KMT5B: variants seen among roughly 807,000 people sequenced by gnomAD.
KMT5B encodes histone-lysine N-methyltransferase KMT5B.
KMT5B carries 10 observed loss-of-function variants against 83.2 expected under a neutral mutation model. That is an observed-to-expected ratio of 0.12 (90% CI 0.07 to 0.20). The LOEUF is 0.20. Among genes scored for constraint, KMT5B ranks in the 10% least tolerant of loss-of-function variants. The pLI is 1.00. For synonymous variants in KMT5B, 349 were observed against 388.8 expected, an observed-to-expected ratio of 0.90 and a Z score of 1.20; for missense variants, 753 against 1,067.2, an observed-to-expected ratio of 0.71 and a Z score of 4.10.
rs546049063 is a variant in KMT5B, at chr11:68,180,283, A to G, written c.309-83T>C. On this transcript the variant is annotated intron_variant, in intron 3 of 10. Transcript: ENST00000304363. ...TGTAATTTCTAAACAGACTTACAAT[A>G]TTCGTTGTTGCAAAAATCTTTAAAA... The G allele has an allele frequency of 1.2e-4, 184 of 1,495,102 alleles. 2 individuals are homozygous for G. In the South Asian group the frequency reaches 2.1e-3, roughly 17 times the overall value. 92.6% of individuals were successfully genotyped at this position (1,495,102 alleles called of 1,614,324 possible). A position where few individuals can be genotyped will look rare whatever the true frequency, so the allele number is the denominator to read the frequency against.
At chr11:68,180,624 AAG>A in intron 3 of KMT5B, among the ~76,000 whole-genome samples, 1 of 152,300 alleles carries the variant, frequency 6.6e-6, no homozygotes, top group South Asian at 2.1e-4. Flanking sequence ...AAAAGTTGAA[AAG>A]AGAAACTCAG....
intron 2 of KMT5B, among the ~76,000 whole-genome samples, chr11:68,188,959 G>T (rs1441975775): frequency 7.2e-5 from 11 of 152,156 alleles, no homozygotes; most frequent in Admixed American, 7.2e-4. Context: ...TCCCAAGCAG[G>T]AATTCTGTCT....
intron 1 of KMT5B, among the ~76,000 whole-genome samples, chr11:68,206,940 T>A (rs1272839652): frequency 6.6e-6 from 1 of 152,190 alleles, no homozygotes; most frequent in African/African-American, 2.4e-5. Context: ...GCAACACGCA[T>A]GATTAAAAAT....
intron 1 of KMT5B, among the ~76,000 whole-genome samples, chr11:68,199,303 G>A (rs1217833233): frequency 2.6e-5 from 4 of 152,182 alleles, no homozygotes; most frequent in Non-Finnish European, 5.9e-5. Flanking sequence ...CTTTTGGGGG[G>A]AATAAGCCAT....
intron 1 of KMT5B, among the ~76,000 whole-genome samples, chr11:68,193,389 C>T (rs1443034823): frequency 1.3e-5 from 2 of 152,120 alleles, no homozygotes; most frequent in African/African-American, 4.8e-5. Context: ...TAATGATACT[C>T]AACACAAACA....
chr11:68,167,770 T>C (rs537433805), intron 9 of KMT5B, among the ~76,000 whole-genome samples: 3 of 152,284 alleles, frequency 2.0e-5, no homozygotes, highest in Admixed American at 1.3e-4. Context: ...TTAATAAACA[T>C]TGCCAGATTA....
At chr11:68,177,723 G>C (rs73509354) in intron 4 of KMT5B, among the ~76,000 whole-genome samples, 3,266 of 152,124 alleles carry the variant, frequency 0.021, 121 homozygotes, top group African/African-American at 0.074. Context: ...TGGTATACAA[G>C]CCTTTACAGA....
At position 68,157,037 on chromosome 11, in the gene KMT5B, C is replaced by T. The variant is rs1859344403; in HGVS notation, c.*651G>A. ...ATACGCTGTATCGAACCTCATCCCA[C>T]ACACTGCTACCCTCGTACATATAAT... On this transcript the variant is annotated 3_prime_UTR_variant, in exon 11 of 11. Coordinates refer to ENST00000304363, the MANE Select transcript of KMT5B (RefSeq NM_017635.5). The T allele has an allele frequency of 6.6e-6, 1 of 151,660 alleles. No homozygotes were observed. Among genetic ancestry groups the T allele is most frequent in the South Asian group, 2.1e-4 (1 of 4,816 alleles). 9.4% of individuals were successfully genotyped at this position (151,660 alleles called of 1,614,324 possible). A position where few individuals can be genotyped will look rare whatever the true frequency, so the allele number is the denominator to read the frequency against.
At position 68,157,480 on chromosome 11, in the gene KMT5B, G is replaced by C. The variant is rs575265059; in HGVS notation, c.*208C>G. 2 of 654,352 alleles carry C rather than the reference G, an allele frequency of 3.1e-6. No individual in the cohort carries two copies. Among genetic ancestry groups the C allele is most frequent in the East Asian group, 3.6e-5 (1 of 27,880 alleles). The allele number at this position is 654,352 out of a possible 1,614,324, so 40.5% of individuals were successfully genotyped here. ...CTTTACCTCTAACTCAGAATTGCAC[G>C]TAAGAAGGCTATTTAAAAAGTACGA... On this transcript the variant is annotated 3_prime_UTR_variant, in exon 11 of 11. Coordinates refer to ENST00000304363, the MANE Select transcript of KMT5B (RefSeq NM_017635.5).
Position 68,166,884 on chromosome 11 carries a change from G to C in KMT5B, c.1174+98C>G, listed in dbSNP as rs1855366378. On this transcript the variant is annotated intron_variant, in intron 10 of 10. Transcript: ENST00000304363. ...AAAGCTCACAAGTCCCAGTCTCTCT[G>C]AGTATTTAAAAGTTTAAAACTACTG... 2.0e-5 allele frequency: 31 copies of C among 1,519,524 alleles called. 1 individual carries two copies. The South Asian group carries it at 3.9e-4, about 19-fold the overall frequency. The allele number at this position is 1,519,524 out of a possible 1,614,324, so 94.1% of individuals were successfully genotyped here.
intron 3 of KMT5B, 107 bp downstream of exon 3, chr11:68,185,674 T>C: frequency 4.2e-6 from 5 of 1,187,206 alleles, no homozygotes; most frequent in Non-Finnish European, 5.8e-6. Context: ...TGCAAAGAAC[T>C]TTCCTTTAAT....
intron 10 of KMT5B, among the ~76,000 whole-genome samples, chr11:68,164,879 G>A (rs538773068): frequency 1.3e-5 from 2 of 152,348 alleles, no homozygotes; most frequent in South Asian, 2.1e-4. Context: ...TAAGCTCCCT[G>A]AGGAAAGGGC....
chr11:68,169,567 GA>G (rs1317328160), intron 9 of KMT5B, among the ~76,000 whole-genome samples: 1 of 152,180 alleles, frequency 6.6e-6, no homozygotes, highest in African/African-American at 2.4e-5. Flanking sequence ...TGCTTTACAG[GA>G]AATAACAAAT....
intron 9 of KMT5B, 125 bp from the exon 10 acceptor site, chr11:68,167,303 G>C: frequency 8.9e-7 from 1 of 1,122,182 alleles, no homozygotes; most frequent in East Asian, 2.6e-5. Context: ...AATCACCACT[G>C]GAAACCGAAG....
Position 68,171,820 on chromosome 11 carries a change from TCTATAC to T in KMT5B, c.654-117_654-112del. 1.1e-6 allele frequency: 1 copy of T among 904,688 alleles called. No homozygotes were observed. The highest frequency in any genetic ancestry group is 1.7e-6 in the Non-Finnish European group (1 of 604,140). 56.0% of individuals were successfully genotyped at this position (904,688 alleles called of 1,614,324 possible). A position where few individuals can be genotyped will look rare whatever the true frequency, so the allele number is the denominator to read the frequency against. On this transcript the variant is annotated intron_variant, in intron 6 of 10. Transcript: ENST00000304363. The surrounding 1 kb of genome is among the most constrained non-coding windows in gnomAD (Gnocchi z 5.1). ...ATCAGAAACTGAAAAGGCCTAGCTGTCTATACTTTAGTTAGCTCACTGGGATCCCCA... is the reference window on the plus strand; with the variant it reads ...ATCAGAAACTGAAAAGGCCTAGCTGTTTTAGTTAGCTCACTGGGATCCCCA...
chr11:68,166,540 G>A, intron 10 of KMT5B: 2 of 1,006,154 alleles, frequency 2.0e-6, no homozygotes, highest in Non-Finnish European at 1.2e-6. Flanking sequence ...TGAAAAGGTG[G>A]AAGCCTTAAG....
At position 68,158,523 on chromosome 11, in the gene KMT5B, C is replaced by G. The variant is rs771292792; in HGVS notation, c.1823G>C (p.Gly608Ala). The change falls in exon 11 of 11, where the codon GGC (glycine) becomes GCC (alanine). Residue 608 changes from glycine to alanine, a missense_variant. Coordinates refer to ENST00000304363, the MANE Select transcript of KMT5B (RefSeq NM_017635.5). ...TTGTCGTGACTTCTTTTTGGACATG[C>G]CTGTGTCACTCTTATGACACTTTGC... ...GEAKCHKSDT[G>A]MSKKKSRQGK... 6 of 1,614,046 alleles carry G rather than the reference C, an allele frequency of 3.7e-6. No individual in the cohort carries two copies. The highest frequency in any genetic ancestry group is 5.1e-6 in the Non-Finnish European group (6 of 1,180,036).
chr11:68,200,494 A>T (rs1859297501), intron 1 of KMT5B, among the ~76,000 whole-genome samples: 1 of 152,216 alleles, frequency 6.6e-6, no homozygotes, highest in Non-Finnish European at 1.5e-5. Context: ...TAAAACACGC[A>T]CTTGTGAGGA....
rs71040600 is a variant in KMT5B, at chr11:68,191,173, T to TTGTGTGTGTGTGTGTGTGTGTGTG, written c.-76-1045_-76-1022dup. Among the ~76,000 whole-genome samples the TTGTGTGTGTGTGTGTGTGTGTGTG allele has an allele frequency of 3.3e-3, 465 of 139,244 alleles. 5 individuals carry two copies. The highest frequency in any genetic ancestry group is 5.5e-3 in the African/African-American group (203 of 37,116). 91.3% of individuals were successfully genotyped at this position (139,244 alleles called of 152,430 possible). On this transcript the variant is annotated intron_variant, in intron 1 of 10. Coordinates refer to ENST00000304363, the MANE Select transcript of KMT5B (RefSeq NM_017635.5). Reference sequence around the variant, plus strand: ...ACCACATCCAGTTAATTTTAAAACTTTGTGTGTGTGTGTGTGTGTGTGTGT... The same window carrying TTGTGTGTGTGTGTGTGTGTGTGTG: ...ACCACATCCAGTTAATTTTAAAACTTTGTGTGTGTGTGTGTGTGTGTGTGTGTGTGTGTGTGTGTGTGTGTGTGT...
Sources: gnomAD v4.1 joint callset for allele counts (sites outside exome capture counted in the v4.1 genomes callset) on GRCh38, gnomAD v4.1.1 for gene constraint, Gnocchi (gnomAD v3.1) non-coding constraint, MANE v1.5 for transcripts, NCBI Gene and HGNC (gene_info 2026-07-23, HGNC 2026-07-21) for gene names.